Variants in RMDN2 observed in about 807,000 individuals in gnomAD.
The protein encoded by RMDN2 is regulator of microtubule dynamics protein 2.
A neutral mutation model predicts 52.8 loss-of-function variants in RMDN2; 61 were observed. The observed-to-expected ratio is 1.16, with a 90% CI of 0.94 to 1.43. The LOEUF is 1.43. RMDN2 is among the 40% of genes most tolerant of loss of function. The pLI is 0.00. For synonymous variants in RMDN2, 180 were observed against 153.1 expected (o/e 1.18, Z -1.30); for missense variants, 592 against 475.3 (o/e 1.25, Z -2.28).
chr2:37,981,985 C>A (rs973653053), intron 5 of RMDN2, among the ~76,000 whole-genome samples: 3 of 151,750 alleles, frequency 2.0e-5, no homozygotes, highest in African/African-American at 7.3e-5. Context: ...CATTTGTTTT[C>A]TTTTTCTCTT....
Position 37,929,286 on chromosome 2 carries a change from T to C in RMDN2, c.9T>C (p.Tyr3=), listed in dbSNP as rs1177415436. The change falls in exon 2 of 11, where the codon TAT becomes TAC. Residue 3 remains tyrosine (Y), a synonymous_variant. Transcript: ENST00000354545. MP[Y]STNKELILGI... ...GAAACGAAAACCAAGAAATGCCTTATTCCACAAACAAAGAGTTGATACTTG... is the reference window on the plus strand; with the variant it reads ...GAAACGAAAACCAAGAAATGCCTTACTCCACAAACAAAGAGTTGATACTTG... 1 of 1,519,814 alleles carries C rather than the reference T, an allele frequency of 6.6e-7. No homozygotes were observed. The highest frequency in any genetic ancestry group is 8.8e-7 in the Non-Finnish European group (1 of 1,132,472). 94.1% of individuals were successfully genotyped at this position (1,519,814 alleles called of 1,614,324 possible).
chr2:38,045,181 G>C (rs1681196993), intron 10 of RMDN2, among the ~76,000 whole-genome samples: 1 of 152,078 alleles, frequency 6.6e-6, no homozygotes, highest in Admixed American at 6.6e-5. Context: ...ATAGTATTTT[G>C]GCTTTAGAAT....
chr2:37,982,603 T>G (rs1198099494), intron 5 of RMDN2, among the ~76,000 whole-genome samples: 1 of 152,148 alleles, frequency 6.6e-6, no homozygotes, highest in Admixed American at 6.5e-5. Context: ...GTGAATAATT[T>G]CTTAGTGTGT....
intron 10 of RMDN2, among the ~76,000 whole-genome samples, chr2:38,010,453 T>A (rs1677807952): frequency 6.6e-6 from 1 of 152,184 alleles, no homozygotes; most frequent in African/African-American, 2.4e-5. Context: ...TGCAGTTTGA[T>A]CTCAGACTGC....
At chr2:38,009,161 G>A (rs1013434288) in intron 10 of RMDN2, among the ~76,000 whole-genome samples, 1 of 152,064 alleles carries the variant, frequency 6.6e-6, no homozygotes, top group Non-Finnish European at 1.5e-5. Context: ...TTCAACTTTG[G>A]TGAATCTGAC....
chr2:37,990,300 C>T (rs1229823051), intron 6 of RMDN2, among the ~76,000 whole-genome samples: 2 of 151,610 alleles, frequency 1.3e-5, no homozygotes, highest in Non-Finnish European at 2.9e-5. Flanking sequence ...GGGCAGATTG[C>T]TTGAGGCCAG....
At chr2:37,946,735 G>A (rs1434238965) in intron 2 of RMDN2, among the ~76,000 whole-genome samples, 2 of 152,194 alleles carry the variant, frequency 1.3e-5, no homozygotes, top group Non-Finnish European at 2.9e-5. Flanking sequence ...AATAGTTATT[G>A]CCATTTCATA....
intron 10 of RMDN2, among the ~76,000 whole-genome samples, chr2:38,037,394 C>G (rs1680656597): frequency 1.3e-5 from 2 of 152,346 alleles, no homozygotes; most frequent in Non-Finnish European, 2.9e-5. Flanking sequence ...CATAGAAGAA[C>G]TTGGTGAAGA....
chr2:37,991,199 T>A (rs1361379193), intron 6 of RMDN2, 21 bp from the exon 7 acceptor site: 6 of 1,459,270 alleles, frequency 4.1e-6, no homozygotes, highest in Non-Finnish European at 5.6e-6. Context: ...GAGATGATTT[T>A]CCTTTGGATG....
At chr2:37,989,657 A>G in intron 6 of RMDN2, 41 bp downstream of exon 6, 1 of 1,283,366 alleles carries the variant, frequency 7.8e-7, no homozygotes. Flanking sequence ...TCAGATCCAG[A>G]CATATGGAAG....
At chr2:37,990,552 G>T in intron 6 of RMDN2, among the ~76,000 whole-genome samples, 1 of 135,418 alleles carries the variant, frequency 7.4e-6, no homozygotes, top group African/African-American at 2.8e-5. Context: ...AAGGCCTTTT[G>T]GTCATAAGCT....
At chr2:37,935,000 A>T (rs1353737164) in intron 2 of RMDN2, among the ~76,000 whole-genome samples, 2 of 152,212 alleles carry the variant, frequency 1.3e-5, no homozygotes, top group African/African-American at 2.4e-5. Context: ...CTTTAGGAAG[A>T]ATAGATGAGT....
chr2:38,009,013 A>C (rs1677536872), intron 10 of RMDN2, among the ~76,000 whole-genome samples: 1 of 152,156 alleles, frequency 6.6e-6, no homozygotes, highest in Non-Finnish European at 1.5e-5. Context: ...TCTTTTCTTT[A>C]AGAATGTGGA....
Position 37,950,010 on chromosome 2 carries a change from T to G in RMDN2, c.452+20281T>G, listed in dbSNP as rs1309539284. 3 of 173,020 alleles carry G rather than the reference T, an allele frequency of 1.7e-5. 1 individual carries two copies. The highest frequency in any genetic ancestry group is 7.2e-5 in the African/African-American group (3 of 41,780). 10.7% of individuals were successfully genotyped at this position (173,020 alleles called of 1,614,324 possible). ...CTTTACTGCCAAGGTGAACGATGCT[T>G]GTTTCCTTTGTGGTGGCAATGACAT... On this transcript the variant is annotated intron_variant, in intron 2 of 10. Transcript: ENST00000354545.
intron 10 of RMDN2, among the ~76,000 whole-genome samples, chr2:38,044,616 G>T: frequency 6.6e-6 from 1 of 150,662 alleles, no homozygotes. Flanking sequence ...TCAATTTGGT[G>T]AAGTTTCTGT....
intron 4 of RMDN2, among the ~76,000 whole-genome samples, chr2:37,977,325 A>T (rs149648142): frequency 0.14 from 21,259 of 151,958 alleles, 1,616 homozygotes; most frequent in Non-Finnish European, 0.17. Flanking sequence ...CGCCATCGTC[A>T]TCATGGCCCG....
rs1558495469 is a variant in RMDN2, at chr2:37,974,211, A to ACT, written c.624_625insCT (p.Lys209LeufsTer7). 6.2e-7 allele frequency: 1 copy of ACT among 1,609,892 alleles called. No individual in the cohort carries two copies. Among genetic ancestry groups the ACT allele is most frequent in the East Asian group, 2.2e-5 (1 of 44,712 alleles). On this transcript the variant is annotated frameshift_variant, in exon 3 of 11. Transcript: ENST00000354545. LOFTEE classifies it high-confidence loss of function. ...TTGAACTACTTCGTGACCACAAAGA[A>ACT]AAGGTAAGAGACATAACAATAGCAC...
chr2:37,959,078 A>G (rs912982486), intron 2 of RMDN2, among the ~76,000 whole-genome samples: 1 of 151,042 alleles, frequency 6.6e-6, no homozygotes, highest in African/African-American at 2.5e-5. Context: ...GGATTTTTGC[A>G]TCGATCTTCA....
At chr2:37,933,170 G>T (rs187964607) in intron 2 of RMDN2, among the ~76,000 whole-genome samples, 1 of 151,550 alleles carries the variant, frequency 6.6e-6, no homozygotes, top group Admixed American at 6.6e-5. Context: ...CATCTCAGAC[G>T]ATGGGCGGCC....
Sources: allele counts gnomAD v4.1 joint callset (sites outside exome capture counted in the v4.1 genomes callset), GRCh38; gene constraint gnomAD v4.1.1; transcripts MANE v1.5; gene names NCBI Gene and HGNC (gene_info 2026-07-23, HGNC 2026-07-21).